Variants in RIMS4 observed in about 807,000 individuals in gnomAD.
RIMS4 encodes the protein regulating synaptic membrane exocytosis protein 4.
RIMS4 carries 9 observed loss-of-function variants against 29.0 expected under a neutral mutation model. The ratio of observed to expected loss-of-function variants is 0.31; its 90% CI spans 0.19 to 0.54. RIMS4 has a LOEUF of 0.54. Among genes scored for constraint, RIMS4 ranks in the 20% least tolerant of loss-of-function variants. The probability of loss-of-function intolerance (pLI) is 0.94; values close to 1 mark genes in which losing one functional copy is unlikely to be tolerated. For synonymous variants in RIMS4, 130 were observed against 152.9 expected (o/e 0.85, Z 1.10); for missense variants, 193 against 365.7 (o/e 0.53, Z 3.85).
chr20:44,757,849 AG>A, intron 3 of RIMS4, 78 bp from the exon 4 acceptor site: 1 of 1,325,290 alleles, frequency 7.5e-7, no homozygotes, highest in East Asian at 2.3e-5. Context: ...TCCTTTACTT[AG>A]GGCTGAAACC....
At position 44,753,230 on chromosome 20, in the gene RIMS4, AAGGG is replaced by A. The variant is rs1449563798; in HGVS notation, c.*2900_*2903del. 3 of 152,640 alleles carry A rather than the reference AAGGG, an allele frequency of 2.0e-5. No homozygotes were observed. The highest frequency in any genetic ancestry group is 2.9e-5 in the Non-Finnish European group (2 of 68,060). 9.5% of individuals were successfully genotyped at this position (152,640 alleles called of 1,614,324 possible). On this transcript the variant is annotated 3_prime_UTR_variant, in exon 6 of 6. Transcript: ENST00000372851. Reference sequence around the variant, plus strand: ...GGGGGCCATTAGGCTTCAAAGAAAGAAGGGAGGAGGAGGTATGGGCAGTGGCAGC... The same window carrying A: ...GGGGGCCATTAGGCTTCAAAGAAAGAAGGAGGAGGTATGGGCAGTGGCAGC...
At chr20:44,772,887 C>A (rs772738975) in intron 1 of RIMS4, among the ~76,000 whole-genome samples, 1 of 152,202 alleles carries the variant, frequency 6.6e-6, no homozygotes, top group Non-Finnish European at 1.5e-5. Context: ...TTCTCCTGGC[C>A]TCCCTCCTCC....
Position 44,810,170 on chromosome 20 carries a change from C to T in RIMS4, c.97+5G>A, listed in dbSNP as rs754277705. The T allele has an allele frequency of 2.3e-5, 37 of 1,579,982 alleles. No homozygotes were observed. Among genetic ancestry groups the T allele is most frequent in the Non-Finnish European group, 3.0e-5 (35 of 1,159,900 alleles). ...GGGGGTCTGGGGGGCGGGCCGCGCG[C>T]TTACCTGCGTCCTCGTCGTCGAAGG... is the stretch of plus-strand genomic sequence containing the variant. On this transcript the variant is annotated splice_donor_5th_base_variant and intron_variant, in intron 1 of 5. Transcript: ENST00000372851.
chr20:44,781,157 T>C (rs1426879409), intron 1 of RIMS4, among the ~76,000 whole-genome samples: 1 of 152,186 alleles, frequency 6.6e-6, no homozygotes, highest in Non-Finnish European at 1.5e-5. Flanking sequence ...TAATTATTAT[T>C]CATTCAACAC....
chr20:44,803,189 AT>A (rs1463247793), intron 1 of RIMS4, among the ~76,000 whole-genome samples: 1 of 152,310 alleles, frequency 6.6e-6, no homozygotes, highest in East Asian at 1.9e-4. Context: ...TCCTTGATAT[AT>A]CCCTAGCACC....
At chr20:44,790,613 C>G (rs2066228822) in intron 1 of RIMS4, among the ~76,000 whole-genome samples, 3 of 152,250 alleles carry the variant, frequency 2.0e-5, no homozygotes. Context: ...TTGTGCCCAG[C>G]ACCTAGGGCC....
intron 2 of RIMS4, among the ~76,000 whole-genome samples, chr20:44,764,139 T>TCCATCC (rs1568895607): frequency 6.4e-5 from 1 of 15,560 alleles, no homozygotes; most frequent in African/African-American, 2.5e-4. Context: ...TCCATCCATT[T>TCCATCC]ATGCATCCAT....
intron 1 of RIMS4, among the ~76,000 whole-genome samples, chr20:44,776,096 T>A (rs1474415820): frequency 6.6e-6 from 1 of 151,796 alleles, no homozygotes. Context: ...CTGGGCAACA[T>A]AGCGAAACCC....
In RIMS4 at chr20:44,756,807, A is replaced by G. The variant is rs936303413; in HGVS notation, c.591+91T>C. 2 of 1,336,888 alleles carry G rather than the reference A, an allele frequency of 1.5e-6. No individual in the cohort carries two copies. The highest frequency in any genetic ancestry group is 2.0e-6 in the Non-Finnish European group (2 of 998,004). The allele number at this position is 1,336,888 out of a possible 1,614,324, so 82.8% of individuals were successfully genotyped here. On this transcript the variant is annotated intron_variant, in intron 5 of 5. Coordinates refer to ENST00000372851, the MANE Select transcript of RIMS4 (RefSeq NM_182970.4). This position sits in a 1 kb window ranked among gnomAD's most constrained non-coding sequence, Gnocchi z 5.9. ...CCTCCAGGCGAGGCCCTCCAGAGACACCCCCCGCCAGGGGTGCCCTCCTCT... is the reference window on the plus strand; with the variant it reads ...CCTCCAGGCGAGGCCCTCCAGAGACGCCCCCCGCCAGGGGTGCCCTCCTCT...
rs2066052068 is a variant in RIMS4 at position 44,754,923 on chromosome 20, C to T, written c.*1211G>A. On this transcript the variant is annotated 3_prime_UTR_variant, in exon 6 of 6. Transcript: ENST00000372851. ...AAAGAGGGGCCAGCCTCCATCCTCCCTTGCATGCAAAAGGGCTCCCGCAGG... is the reference window on the plus strand; with the variant it reads ...AAAGAGGGGCCAGCCTCCATCCTCCTTTGCATGCAAAAGGGCTCCCGCAGG... The T allele has an allele frequency of 6.6e-6, 1 of 152,558 alleles. No homozygotes were observed. Among genetic ancestry groups the T allele is most frequent in the African/African-American group, 2.4e-5 (1 of 41,422 alleles). 9.5% of individuals were successfully genotyped at this position (152,558 alleles called of 1,614,324 possible).
At position 44,797,783 on chromosome 20, in the gene RIMS4, T is replaced by TGA. The variant is rs1450872685; in HGVS notation, c.97+12390_97+12391dup. 3.9e-5 allele frequency among the ~76,000 whole-genome samples: 6 copies of TGA among 152,206 alleles called. No homozygotes were observed. In the South Asian group the frequency reaches 1.2e-3, roughly 31 times the overall value. On this transcript the variant is annotated intron_variant, in intron 1 of 5. Transcript: ENST00000372851. Reference sequence around the variant, plus strand: ...GCAAAGGCAGAGGTCAGCCTTGGTTTGAGACCCTTCCCGCACTCCCCAGTC... The same window carrying TGA: ...GCAAAGGCAGAGGTCAGCCTTGGTTTGAGAGACCCTTCCCGCACTCCCCAGTC...
intron 1 of RIMS4, among the ~76,000 whole-genome samples, chr20:44,805,425 T>C (rs2066294383): frequency 1.3e-5 from 2 of 152,110 alleles, no homozygotes; most frequent in African/African-American, 4.8e-5. Flanking sequence ...TATCCAAATC[T>C]ACAAGAGTTC....
In RIMS4 at chr20:44,803,502, C is replaced by A. The variant is rs545576861; in HGVS notation, c.97+6673G>T. Among the ~76,000 whole-genome samples the A allele has an allele frequency of 1.1e-4, 16 of 152,296 alleles. No individual in the cohort carries two copies. In the East Asian group the frequency reaches 3.1e-3, roughly 29 times the overall value. On this transcript the variant is annotated intron_variant, in intron 1 of 5. Coordinates refer to ENST00000372851, the MANE Select transcript of RIMS4 (RefSeq NM_182970.4). ...TGGCAGCAGCTGCCCTCTCGCCACC[C>A]CCATCCACATCCCTGCCCAGCCACA... is the stretch of plus-strand genomic sequence containing the variant.
chr20:44,756,628 A>G lies in RIMS4; in HGVS notation c.591+270T>C, dbSNP rs972782057. On this transcript the variant is annotated intron_variant, in intron 5 of 5. Coordinates refer to ENST00000372851, the MANE Select transcript of RIMS4 (RefSeq NM_182970.4). This position sits in a 1 kb window ranked among gnomAD's most constrained non-coding sequence, Gnocchi z 5.9. ...AATACTTTTCCTGCACACAGCACAC[A>G]TTCCACTGGCACCAGAATGTTATCA... Among the ~76,000 whole-genome samples, 2 of 152,284 alleles carry G rather than the reference A, an allele frequency of 1.3e-5. No homozygotes were observed.
chr20:44,779,772 G>A (rs916846478), intron 1 of RIMS4, among the ~76,000 whole-genome samples: 2 of 152,180 alleles, frequency 1.3e-5, no homozygotes, highest in African/African-American at 4.8e-5. Flanking sequence ...ACCTAGGAGT[G>A]CAGCTGCTGG....
chr20:44,761,216 T>C (rs1211843534), intron 2 of RIMS4, among the ~76,000 whole-genome samples: 1 of 152,190 alleles, frequency 6.6e-6, no homozygotes, highest in African/African-American at 2.4e-5. Flanking sequence ...TATTAATTCA[T>C]TTCAGCCTCA....
chr20:44,770,804 A>T (rs1048471626), intron 2 of RIMS4, among the ~76,000 whole-genome samples: 3 of 152,240 alleles, frequency 2.0e-5, no homozygotes, highest in Admixed American at 1.3e-4. Flanking sequence ...AAACTAAAAA[A>T]GTAAAGAGGA....
chr20:44,794,092 A>G (rs1435432958), intron 1 of RIMS4, among the ~76,000 whole-genome samples: 1 of 152,178 alleles, frequency 6.6e-6, no homozygotes, highest in Non-Finnish European at 1.5e-5. Flanking sequence ...CAGGAATGAG[A>G]CAGTACCCAA....
intron 1 of RIMS4, among the ~76,000 whole-genome samples, chr20:44,805,058 G>A (rs1001637508): frequency 1.3e-5 from 2 of 152,120 alleles, no homozygotes; most frequent in African/African-American, 4.8e-5. Flanking sequence ...TTAGCACTTT[G>A]GGAGTCCAAG....
Sources: allele counts gnomAD v4.1 joint callset (sites outside exome capture counted in the v4.1 genomes callset), GRCh38; gene constraint gnomAD v4.1.1; non-coding constraint Gnocchi (gnomAD v3.1); transcripts MANE v1.5; gene names NCBI Gene and HGNC (gene_info 2026-07-23, HGNC 2026-07-21).